NRXN1: variants seen among roughly 807,000 people sequenced by gnomAD.
The protein encoded by NRXN1 is neurexin 1, also known as neurexin-1.
Under a neutral mutation model 150.9 loss-of-function variants are expected in NRXN1, and 39 were observed. That is an observed-to-expected ratio of 0.26 (90% CI 0.20 to 0.34). The LOEUF (loss-of-function observed/expected upper bound fraction) is 0.34, where lower values mean the gene tolerates loss of function less well. Among genes scored for constraint, NRXN1 ranks in the 10% least tolerant of loss-of-function variants. The probability of loss-of-function intolerance (pLI) is 1.00; values close to 1 mark genes in which losing one functional copy is unlikely to be tolerated. For synonymous variants in NRXN1, 924 were observed against 757.0 expected (o/e 1.22, Z -3.62); for missense variants, 1,815 against 1,949.9 (o/e 0.93, Z 1.30).
At chr2:50,995,436 C>T (rs1326267694) in intron 2 of NRXN1, among the ~76,000 whole-genome samples, 1 of 151,766 alleles carries the variant, frequency 6.6e-6, no homozygotes. Flanking sequence ...ACAAATATAT[C>T]TACACAACAA....
intron 17 of NRXN1, among the ~76,000 whole-genome samples, chr2:50,248,584 G>C (rs1181810894): frequency 2.0e-5 from 3 of 152,154 alleles, no homozygotes; most frequent in South Asian, 2.1e-4. Flanking sequence ...AAGTAGAGTA[G>C]TCAACTCTGG....
rs1012032924 is a variant in NRXN1 at position 50,546,067 on chromosome 2, G to C, written c.1759+6520C>G. ...CACAGATGCAAAACCCACAAAAAAT[G>C]GGGGGCCGGGCCGACTGTATACATA... On this transcript the variant is annotated intron_variant, in intron 9 of 22. Coordinates refer to ENST00000401669, the MANE Select transcript of NRXN1 (RefSeq NM_001330078.2). 2.0e-5 allele frequency among the ~76,000 whole-genome samples: 3 copies of C among 152,026 alleles called. No individual in the cohort carries two copies. In the East Asian group the frequency reaches 5.8e-4, roughly 29 times the overall value.
intron 8 of NRXN1, among the ~76,000 whole-genome samples, chr2:50,571,150 G>T (rs1670605376): frequency 6.6e-6 from 1 of 152,144 alleles, no homozygotes; most frequent in African/African-American, 2.4e-5. Flanking sequence ...GGAGAGTCTA[G>T]TTGATACCAG....
intron 2 of NRXN1, among the ~76,000 whole-genome samples, chr2:50,980,003 G>A (rs1696534252): frequency 6.6e-6 from 1 of 152,044 alleles, no homozygotes; most frequent in African/African-American, 2.4e-5. Flanking sequence ...AGGAAAAATA[G>A]GAGGTAGCCA....
intron 5 of NRXN1, among the ~76,000 whole-genome samples, chr2:50,853,490 A>G (rs1420445194): frequency 6.6e-6 from 1 of 152,108 alleles, no homozygotes; most frequent in African/African-American, 2.4e-5. Context: ...GTTTATTAGA[A>G]GAGATAGTAC....
At chr2:49,969,240 G>C (rs1677514579) in intron 21 of NRXN1, among the ~76,000 whole-genome samples, 1 of 152,012 alleles carries the variant, frequency 6.6e-6, no homozygotes, top group Non-Finnish European at 1.5e-5. Context: ...AATCTAAAGA[G>C]TAGATGATCC....
chr2:50,559,972 T>C (rs1188714836), intron 8 of NRXN1, among the ~76,000 whole-genome samples: 1 of 152,152 alleles, frequency 6.6e-6, no homozygotes, highest in Non-Finnish European at 1.5e-5. Flanking sequence ...AACTGTAGCC[T>C]CCAAAAATTA....
At chr2:50,431,727 T>C (rs991876233) in intron 17 of NRXN1, among the ~76,000 whole-genome samples, 3 of 152,150 alleles carry the variant, frequency 2.0e-5, no homozygotes, top group African/African-American at 7.2e-5. Context: ...AATCACAGAG[T>C]TGAATAGCTG....
At chr2:50,628,724 C>A (rs1481066554) in intron 5 of NRXN1, among the ~76,000 whole-genome samples, 2 of 151,278 alleles carry the variant, frequency 1.3e-5, no homozygotes, top group Admixed American at 6.6e-5. Flanking sequence ...TGTGCTAAAA[C>A]AACGAAAATG....
intron 5 of NRXN1, among the ~76,000 whole-genome samples, chr2:50,690,457 A>G (rs534492677): frequency 5.9e-5 from 9 of 152,306 alleles, no homozygotes; most frequent in African/African-American, 2.2e-4. Flanking sequence ...GAATTCTCTA[A>G]TCCATCATAT....
intron 5 of NRXN1, among the ~76,000 whole-genome samples, chr2:50,781,984 T>C (rs1704412101): frequency 1.3e-5 from 2 of 152,186 alleles, no homozygotes; most frequent in Non-Finnish European, 2.9e-5. Flanking sequence ...TTGTTATTAA[T>C]TGTATTACTA....
intron 21 of NRXN1, among the ~76,000 whole-genome samples, chr2:50,043,626 C>G (rs939015582): frequency 6.6e-6 from 1 of 152,130 alleles, no homozygotes; most frequent in Admixed American, 6.6e-5. Context: ...TCAAAACATA[C>G]TCAGGGACAG....
intron 8 of NRXN1, among the ~76,000 whole-genome samples, chr2:50,580,256 A>G (rs986863807): frequency 3.3e-5 from 5 of 152,138 alleles, no homozygotes; most frequent in African/African-American, 9.7e-5. Context: ...TGCTGGGTCT[A>G]TTTTTTAATT....
chr2:50,300,290 G>C (rs1338976442), intron 17 of NRXN1, among the ~76,000 whole-genome samples: 1 of 152,168 alleles, frequency 6.6e-6, no homozygotes, highest in Non-Finnish European at 1.5e-5. Context: ...AGATATCTTA[G>C]TTACAAACAA....
At chr2:50,198,441 C>A (rs1193161229) in intron 18 of NRXN1, among the ~76,000 whole-genome samples, 1 of 152,120 alleles carries the variant, frequency 6.6e-6, no homozygotes, top group Non-Finnish European at 1.5e-5. Context: ...CAACTTCCCA[C>A]ACTTCCTTCG....
intron 2 of NRXN1, among the ~76,000 whole-genome samples, chr2:50,952,672 A>G (rs1691591337): frequency 6.6e-6 from 1 of 152,186 alleles, no homozygotes; most frequent in Admixed American, 6.5e-5. Context: ...ATGCAGAAGC[A>G]TGTTTCAAAA....
At chr2:50,893,081 T>C (rs907733493) in intron 5 of NRXN1, among the ~76,000 whole-genome samples, 1 of 152,172 alleles carries the variant, frequency 6.6e-6, no homozygotes, top group African/African-American at 2.4e-5. Flanking sequence ...ATCAGATCTG[T>C]ACTGTGGCTT....
intron 17 of NRXN1, among the ~76,000 whole-genome samples, chr2:50,330,173 A>AT (rs796650928): frequency 2.8e-4 from 42 of 151,320 alleles, no homozygotes; most frequent in African/African-American, 7.3e-4. Context: ...GTAGGCTTCT[A>AT]TTTTTTTTTA....
intron 17 of NRXN1, among the ~76,000 whole-genome samples, chr2:50,420,601 GT>G (rs2104243943): frequency 6.6e-6 from 1 of 152,062 alleles, no homozygotes; most frequent in Admixed American, 6.6e-5. Context: ...CATCAATTTT[GT>G]GTTTAACATT....
Sources: gnomAD v4.1 joint callset for allele counts (sites outside exome capture counted in the v4.1 genomes callset) on GRCh38, gnomAD v4.1.1 for gene constraint, MANE v1.5 for transcripts, NCBI Gene and HGNC (gene_info 2026-07-23, HGNC 2026-07-21) for gene names.